Variants in STRADA observed in about 807,000 individuals in gnomAD.
STRADA encodes STE20-related kinase adapter protein alpha.
Under a neutral mutation model 55.0 loss-of-function variants are expected in STRADA, and 26 were observed. That is an observed-to-expected ratio of 0.47 (90% CI 0.35 to 0.66). The LOEUF is 0.66. Ranked by LOEUF, STRADA falls within the 30% of genes least tolerant of loss-of-function variation. The probability of loss-of-function intolerance (pLI) is 0.01; values close to 1 mark genes in which losing one functional copy is unlikely to be tolerated. For synonymous variants in STRADA, 197 were observed against 210.9 expected (o/e 0.93, Z 0.57); for missense variants, 443 against 549.7 (o/e 0.81, Z 1.94).
At chr17:63,722,962 CATT>C (rs1238615250) in intron 4 of STRADA, among the ~76,000 whole-genome samples, 4 of 152,056 alleles carry the variant, frequency 2.6e-5, no homozygotes, top group Non-Finnish European at 4.4e-5. Flanking sequence ...AATTTAATAA[CATT>C]AGTCACTAAA....
Position 63,706,411 on chromosome 17 carries a change from T to TC in STRADA, c.858+223dup, listed in dbSNP as rs1302146310. ...TGTGGGCCTCCATTTGCACCCCTGC[T>TC]CCCGGGCTCCCCTCCCCAAGCTGGC... On this transcript the variant is annotated intron_variant, in intron 10 of 12. Coordinates refer to ENST00000336174, the MANE Select transcript of STRADA (RefSeq NM_001003787.4). 54 of 508,264 alleles carry TC rather than the reference T, an allele frequency of 1.1e-4. 1 individual carries two copies. Among genetic ancestry groups the TC allele is most frequent in the Non-Finnish European group, 1.8e-4 (50 of 283,394 alleles). 31.5% of individuals were successfully genotyped at this position (508,264 alleles called of 1,614,324 possible).
chr17:63,717,013 T>C (rs1408180705), intron 4 of STRADA: 1 of 152,256 alleles, frequency 6.6e-6, no homozygotes, highest in Admixed American at 6.5e-5. Flanking sequence ...AGCTGAATAA[T>C]TTCCATCTCA....
intron 4 of STRADA, among the ~76,000 whole-genome samples, chr17:63,721,823 G>A (rs2037344247): frequency 6.6e-6 from 1 of 152,182 alleles, no homozygotes. Flanking sequence ...GATAGCAACT[G>A]CTCTGTCCCC....
chr17:63,734,417 C>T (rs897152435), intron 1 of STRADA, among the ~76,000 whole-genome samples: 8 of 151,250 alleles, frequency 5.3e-5, no homozygotes, highest in South Asian at 2.1e-4. Flanking sequence ...CTGAGGCAGG[C>T]GGATCACTAG....
At chr17:63,704,939 C>T (rs568452398) in intron 10 of STRADA, 1 of 1,529,244 alleles carries the variant, frequency 6.5e-7, no homozygotes, top group Admixed American at 2.0e-5. Flanking sequence ...GATGAACCTG[C>T]TTTGAAGCCC....
At chr17:63,731,672 G>A (rs1428357215) in intron 1 of STRADA, among the ~76,000 whole-genome samples, 1 of 152,086 alleles carries the variant, frequency 6.6e-6, no homozygotes, top group South Asian at 2.1e-4. Context: ...TGATTAGAAT[G>A]CATATTTAAT....
chr17:63,741,810 CG>C (rs2038975906), upstream of STRADA: 1 of 153,342 alleles, frequency 6.5e-6, no homozygotes, highest in East Asian at 1.9e-4. Context: ...GCCGCGCCGC[CG>C]CCAGACCGGT....
chr17:63,726,413 T>C (rs928683965), intron 3 of STRADA: 17 of 458,216 alleles, frequency 3.7e-5, no homozygotes, highest in Admixed American at 1.2e-4. Context: ...TATATGCTTT[T>C]AAGTAAATAC....
chr17:63,710,777 A>G lies in STRADA; in HGVS notation c.408T>C (p.Thr136=), dbSNP rs1442489835. ...CCCACAGCTCATTGTCTGCAATAAA[A>G]GTGGCTCGATATGGCACGATATTGG... ...NHPNIVPYRA[T]FIADNELWVV... The change falls in exon 7 of 13, where the codon ACT becomes ACC. Residue 136 remains threonine (T), a synonymous_variant. Transcript: ENST00000336174. 6.2e-7 allele frequency: 1 copy of G among 1,614,252 alleles called. No homozygotes were observed. The highest frequency in any genetic ancestry group is 8.5e-7 in the Non-Finnish European group (1 of 1,180,044).
intron 8 of STRADA, 50 bp downstream of exon 8, chr17:63,710,439 CAG>C: frequency 1.2e-6 from 2 of 1,608,900 alleles, no homozygotes; most frequent in Admixed American, 3.3e-5. Flanking sequence ...CCTGAAGGCT[CAG>C]GGGCATAGCT....
At chr17:63,739,852 C>T (rs1232286147) in intron 1 of STRADA, among the ~76,000 whole-genome samples, 6 of 146,606 alleles carry the variant, frequency 4.1e-5, no homozygotes, top group South Asian at 2.1e-4. Context: ...ATATAATGTA[C>T]ATAATTATAT....
At chr17:63,719,535 G>A (rs1375070203) in intron 4 of STRADA, among the ~76,000 whole-genome samples, 2 of 151,516 alleles carry the variant, frequency 1.3e-5, no homozygotes, top group African/African-American at 4.9e-5. Context: ...CCAGGCTGGA[G>A]TGCAATGGCG....
chr17:63,730,884 T>C (rs2037992337), intron 1 of STRADA, among the ~76,000 whole-genome samples: 1 of 151,856 alleles, frequency 6.6e-6, no homozygotes. Flanking sequence ...CTCAAGCAAT[T>C]GTCTGCCTCA....
At chr17:63,710,279 C>T in intron 8 of STRADA, 1 of 627,802 alleles carries the variant, frequency 1.6e-6, no homozygotes. Context: ...CCTTGTGATC[C>T]ACCTGCCTTG....
intron 3 of STRADA, 42 bp downstream of exon 3, chr17:63,726,596 T>G: frequency 6.3e-7 from 1 of 1,589,372 alleles, no homozygotes. Flanking sequence ...AGTAGTGATT[T>G]TTATATCCTG....
chr17:63,727,632 G>A (rs1018728253), intron 2 of STRADA: 1 of 152,164 alleles, frequency 6.6e-6, no homozygotes, highest in African/African-American at 2.4e-5. Flanking sequence ...CAAAAAAGAA[G>A]TAATATCCTA....
intron 2 of STRADA, 125 bp from the exon 3 acceptor site, chr17:63,726,820 T>G (rs1326766834): frequency 1.1e-6 from 1 of 900,738 alleles, no homozygotes; most frequent in Non-Finnish European, 1.7e-6. Context: ...CAGTTAGGAA[T>G]CATTTCTATG....
chr17:63,718,656 C>T (rs916063099), intron 4 of STRADA: 2 of 152,236 alleles, frequency 1.3e-5, no homozygotes, highest in African/African-American at 2.4e-5. Context: ...CCACACCACG[C>T]TCGCCTGACT....
In STRADA at chr17:63,710,606, T is replaced by C. The variant is rs2143850037; in HGVS notation, c.466A>G (p.Lys156Glu). 1 of 1,614,042 alleles carries C rather than the reference T, an allele frequency of 6.2e-7. No homozygotes were observed. Among genetic ancestry groups the C allele is most frequent in the Non-Finnish European group, 8.5e-7 (1 of 1,179,944 alleles). The change falls in exon 8 of 13, where the codon AAA (lysine) becomes GAA (glutamate). Residue 156 changes from lysine (K) to glutamate (E), a missense_variant. Physicochemically the swap from Lys to Glu is moderately conservative, Grantham distance 56. Transcript: ENST00000336174. ...ATGAAGTGTGTACAGATGAGATCTT[T>C]TGCAGAACCTGCAGAAAAGGATTGC... Reference protein sequence around the residue: ...VTSFMAYGSAKDLICTHFMDG... With the variant: ...VTSFMAYGSAEDLICTHFMDG...
Sources: gnomAD v4.1 joint callset for allele counts (sites outside exome capture counted in the v4.1 genomes callset) on GRCh38, gnomAD v4.1.1 for gene constraint, MANE v1.5 for transcripts, NCBI Gene and HGNC (gene_info 2026-07-23, HGNC 2026-07-21) for gene names.